The following LYRM4 variants were observed in gnomAD, a reference collection of about 807,000 sequenced individuals.
The protein encoded by LYRM4 is LYR motif-containing protein 4.
A neutral mutation model predicts 11.7 loss-of-function variants in LYRM4; 9 were observed. The ratio of observed to expected loss-of-function variants is 0.77; its 90% CI spans 0.46 to 1.34. LYRM4 has a LOEUF of 1.34. LYRM4 is among the 40% of genes most tolerant of loss of function. The probability of loss-of-function intolerance (pLI) is 0.00; values close to 1 mark genes in which losing one functional copy is unlikely to be tolerated. For synonymous variants in LYRM4, 42 were observed against 40.4 expected (o/e 1.04, Z -0.15); for missense variants, 133 against 112.5 (o/e 1.18, Z -0.82).
the LYRM4 span, among the ~76,000 whole-genome samples, chr6:5,042,319 G>C: frequency 1.6e-4 from 24 of 151,964 alleles, no homozygotes; most frequent in African/African-American, 5.6e-4. Context: ...AAAACTGGAA[G>C]TTCCTGGCAA....
chr6:5,123,842 G>A (rs1016926992), intron 2 of LYRM4, among the ~76,000 whole-genome samples: 2 of 152,194 alleles, frequency 1.3e-5, no homozygotes, highest in Non-Finnish European at 2.9e-5. Context: ...GGCCACCATC[G>A]AGCCACTCAC....
At chr6:5,085,932 C>T in the LYRM4 span, 7 of 1,527,668 alleles carry the variant, frequency 4.6e-6, no homozygotes, top group South Asian at 4.8e-5. Context: ...AGCACTTCAG[C>T]GAGGCGGAGG....
intron 2 of LYRM4, among the ~76,000 whole-genome samples, chr6:5,185,648 C>T (rs913448854): frequency 2.0e-5 from 3 of 152,144 alleles, no homozygotes; most frequent in African/African-American, 7.2e-5. Flanking sequence ...CTGAGGAATA[C>T]TAAGTGGCTT....
chr6:5,215,867 A>G (rs62385045), intron 2 of LYRM4, among the ~76,000 whole-genome samples: 4,700 of 152,292 alleles, frequency 0.031, 104 homozygotes, highest in Non-Finnish European at 0.045. Flanking sequence ...TTATTGCGTG[A>G]TTGCTGCTAA....
intron 2 of LYRM4, among the ~76,000 whole-genome samples, chr6:5,147,244 T>C (rs572181251): frequency 5.9e-5 from 9 of 152,314 alleles, no homozygotes; most frequent in African/African-American, 1.9e-4. Context: ...CTCATTTTGT[T>C]ACCTTAACAA....
chr6:5,180,730 G>A lies in LYRM4; in HGVS notation c.207+35888C>T, dbSNP rs139972886. On this transcript the variant is annotated intron_variant, in intron 2 of 2. Transcript: ENST00000330636. Reference sequence around the variant, plus strand: ...GACCAATCACTGCAGCGATGCTCTCGTGGATACCCTTGCTTCACCTAACTT... The same window carrying A: ...GACCAATCACTGCAGCGATGCTCTCATGGATACCCTTGCTTCACCTAACTT... 4.1e-3 allele frequency among the ~76,000 whole-genome samples: 620 copies of A among 152,276 alleles called. 5 individuals are homozygous for A. The South Asian group carries it at 0.043, about 11-fold the overall frequency.
chr6:5,085,694 A>C, the LYRM4 span: 1 of 1,547,902 alleles, frequency 6.5e-7, no homozygotes, highest in East Asian at 2.5e-5. Flanking sequence ...CCCCAGGAGC[A>C]GGAGGAGCTG....
chr6:5,114,630 C>G (rs1453328047), intron 2 of LYRM4, among the ~76,000 whole-genome samples: 1 of 152,104 alleles, frequency 6.6e-6, no homozygotes. Flanking sequence ...TGTTCTTTCT[C>G]TCTTTAAATC....
At chr6:5,213,525 A>T (rs1182731787) in intron 2 of LYRM4, among the ~76,000 whole-genome samples, 1 of 152,112 alleles carries the variant, frequency 6.6e-6, no homozygotes, top group Non-Finnish European at 1.5e-5. Flanking sequence ...TGAAGCTGGG[A>T]TCCATGTGCA....
At chr6:5,242,610 C>T (rs1224231231) in intron 1 of LYRM4, among the ~76,000 whole-genome samples, 1 of 149,594 alleles carries the variant, frequency 6.7e-6, no homozygotes, top group Non-Finnish European at 1.5e-5. Context: ...ATCCCAGATA[C>T]TCGGGAGGCT....
rs76070423 is a variant in LYRM4, at chr6:5,218,203, G to A, written c.87-1465C>T. On this transcript the variant is annotated intron_variant, in intron 1 of 2. Coordinates refer to ENST00000330636, the MANE Select transcript of LYRM4 (RefSeq NM_020408.6). ...ATTACAAGCACACACCACAGTGCCT[G>A]GCTCTCTCGTCTTCTTAATGATCAC... 78 of 961,676 alleles carry A rather than the reference G, an allele frequency of 8.1e-5. No homozygotes were observed. In the African/African-American group the frequency reaches 1.1e-3, roughly 13 times the overall value. The allele number at this position is 961,676 out of a possible 1,614,324, so 59.6% of individuals were successfully genotyped here. A position where few individuals can be genotyped will look rare whatever the true frequency, so the allele number is the denominator to read the frequency against.
intron 2 of LYRM4, among the ~76,000 whole-genome samples, chr6:5,142,141 T>C (rs572091887): frequency 1.3e-5 from 2 of 152,288 alleles, no homozygotes; most frequent in East Asian, 1.9e-4. Flanking sequence ...GTTCTCTCTA[T>C]GTGAACCTGG....
intron 2 of LYRM4, among the ~76,000 whole-genome samples, chr6:5,191,993 T>C (rs1367444278): frequency 6.6e-6 from 1 of 152,074 alleles, no homozygotes; most frequent in African/African-American, 2.4e-5. Context: ...TACATCAATG[T>C]CATAAAAGTT....
At position 5,108,819 on chromosome 6, in the gene LYRM4, T is replaced by C. The variant is rs1189022901; in HGVS notation, c.*604A>G. On this transcript the variant is annotated 3_prime_UTR_variant, in exon 3 of 3. Transcript: ENST00000330636. ...ATCTGCAGTGCTCCATCTCTGGGTG[T>C]GTACCTACACACCCGTCACCTTTGT... The C allele has an allele frequency of 1.0e-6, 1 of 986,064 alleles. No individual in the cohort carries two copies. Among genetic ancestry groups the C allele is most frequent in the Non-Finnish European group, 1.2e-6 (1 of 830,268 alleles). 61.1% of individuals were successfully genotyped at this position (986,064 alleles called of 1,614,324 possible).
the LYRM4 span, among the ~76,000 whole-genome samples, chr6:5,075,034 C>T: frequency 6.6e-6 from 1 of 151,984 alleles, no homozygotes; most frequent in Non-Finnish European, 1.5e-5. Context: ...TGTGTGGCAC[C>T]TCCCCCCACC....
chr6:5,256,686 C>A (rs1269599733), intron 1 of LYRM4, among the ~76,000 whole-genome samples: 1 of 151,954 alleles, frequency 6.6e-6, no homozygotes, highest in Non-Finnish European at 1.5e-5. Flanking sequence ...CTGCAGTGCT[C>A]ATCACTCCTC....
chr6:5,187,538 G>T (rs1760480149), intron 2 of LYRM4, among the ~76,000 whole-genome samples: 1 of 151,984 alleles, frequency 6.6e-6, no homozygotes, highest in Non-Finnish European at 1.5e-5. Context: ...TTACTCACAG[G>T]TGGGAACTGA....
chr6:5,131,896 G>A (rs1763971935), intron 2 of LYRM4, among the ~76,000 whole-genome samples: 1 of 152,224 alleles, frequency 6.6e-6, no homozygotes, highest in Non-Finnish European at 1.5e-5. Flanking sequence ...ACTCACGATT[G>A]AGAGGCAATC....
chr6:5,132,366 T>C (rs777020140), intron 2 of LYRM4, among the ~76,000 whole-genome samples: 3 of 152,172 alleles, frequency 2.0e-5, no homozygotes, highest in Non-Finnish European at 4.4e-5. Flanking sequence ...ATTATGGAGC[T>C]GAGATACTCC....
Sources: gnomAD v4.1 joint callset for allele counts (sites outside exome capture counted in the v4.1 genomes callset) on GRCh38, gnomAD v4.1.1 for gene constraint, MANE v1.5 for transcripts, NCBI Gene and HGNC (gene_info 2026-07-23, HGNC 2026-07-21) for gene names.